Variants in GLG1 observed in about 807,000 individuals in gnomAD.
The protein encoded by GLG1 is golgi glycoprotein 1, also known as Golgi apparatus protein 1.
Under a neutral mutation model 160.5 loss-of-function variants are expected in GLG1, and 38 were observed. The observed-to-expected ratio is 0.24, with a 90% CI of 0.18 to 0.31. The LOEUF (loss-of-function observed/expected upper bound fraction) is 0.31, where lower values mean the gene tolerates loss of function less well. Among genes scored for constraint, GLG1 ranks in the 10% least tolerant of loss-of-function variants. The probability of loss-of-function intolerance (pLI) is 1.00; values close to 1 mark genes in which losing one functional copy is unlikely to be tolerated. For missense variants in GLG1, 1,373 were observed against 1,505.2 expected (o/e 0.91, Z 1.45); for synonymous variants, 644 against 543.4 (o/e 1.19, Z -2.57).
At chr16:74,548,435 T>G (rs1349414608) in intron 1 of GLG1, among the ~76,000 whole-genome samples, 1 of 152,150 alleles carries the variant, frequency 6.6e-6, no homozygotes, top group Non-Finnish European at 1.5e-5. Flanking sequence ...TCCAGACACT[T>G]ATATTTAAGA....
chr16:74,506,609 A>AAAAAACT (rs2016620334), intron 3 of GLG1, among the ~76,000 whole-genome samples: 1 of 150,766 alleles, frequency 6.6e-6, no homozygotes, highest in Non-Finnish European at 1.5e-5. Context: ...AAAAAACTCA[A>AAAAAACT]GAGAAACCAG....
chr16:74,516,558 G>A (rs532957025), intron 2 of GLG1, among the ~76,000 whole-genome samples: 2 of 152,322 alleles, frequency 1.3e-5, no homozygotes, highest in Admixed American at 1.3e-4. Flanking sequence ...TCAAAGCAGT[G>A]TGTAGAGGGA....
intron 4 of GLG1, among the ~76,000 whole-genome samples, chr16:74,502,929 G>A (rs13339161): frequency 0.67 from 101,114 of 150,804 alleles, 34,100 homozygotes; most frequent in East Asian, 0.81. Context: ...GAACTTGGCC[G>A]GGACCGGTGG....
In GLG1 at chr16:74,449,337, C is replaced by T. The variant is rs1469858524; in HGVS notation, c.*3830G>A. The T allele has an allele frequency of 6.6e-6, 1 of 152,102 alleles. No individual in the cohort carries two copies. The highest frequency in any genetic ancestry group is 1.9e-4 in the East Asian group (1 of 5,178). The allele number at this position is 152,102 out of a possible 1,614,324, so 9.4% of individuals were successfully genotyped here. A position where few individuals can be genotyped will look rare whatever the true frequency, so the allele number is the denominator to read the frequency against. ...TCGGGGCAGAAGTCACACCACAGGC[C>T]TGGAGGATGGGAGGATAGGAGACAC... On this transcript the variant is annotated 3_prime_UTR_variant, in exon 26 of 26. Coordinates refer to ENST00000422840, the MANE Select transcript of GLG1 (RefSeq NM_001145667.2).
Position 74,452,634 on chromosome 16 carries a change from C to A in GLG1, c.*533G>T. On this transcript the variant is annotated 3_prime_UTR_variant, in exon 26 of 26. Coordinates refer to ENST00000422840, the MANE Select transcript of GLG1 (RefSeq NM_001145667.2). ...GTGAAGACCACGGCCCTGGCGAGGC[C>A]CCAAGGTGCTTCTGAGAGATGAACG... 3 of 998,036 alleles carry A rather than the reference C, an allele frequency of 3.0e-6. No individual in the cohort carries two copies. The highest frequency in any genetic ancestry group is 3.6e-6 in the Non-Finnish European group (3 of 836,904). The allele number at this position is 998,036 out of a possible 1,614,324, so 61.8% of individuals were successfully genotyped here. A position where few individuals can be genotyped will look rare whatever the true frequency, so the allele number is the denominator to read the frequency against.
chr16:74,559,891 T>C (rs2018459125), intron 1 of GLG1, among the ~76,000 whole-genome samples: 1 of 152,188 alleles, frequency 6.6e-6, no homozygotes, highest in Non-Finnish European at 1.5e-5. Flanking sequence ...ACTGGAGAAT[T>C]TTAGACTTAA....
intron 13 of GLG1, 31 bp from the exon 14 acceptor site, chr16:74,472,442 G>A (rs150615559): frequency 6.6e-7 from 1 of 1,523,076 alleles, no homozygotes; most frequent in Non-Finnish European, 9.1e-7. Context: ...TAATACTTCT[G>A]CTTTAGAAAG....
Position 74,503,610 on chromosome 16 carries a change from C to T in GLG1, c.695G>A (p.Arg232His), listed in dbSNP as rs1291807404. 3.7e-6 allele frequency: 6 copies of T among 1,613,518 alleles called. No individual in the cohort carries two copies. The highest frequency in any genetic ancestry group is 2.2e-5 in the East Asian group (1 of 44,864). Reference sequence around the variant, plus strand: ...GTCATCCATGAAGCCACAGATTAAACGGTAATCACTAAAAATGATGGCCGT... The same window carrying T: ...GTCATCCATGAAGCCACAGATTAAATGGTAATCACTAAAAATGATGGCCGT... Reference protein sequence around the residue: ...KMTAIIFSDYRLICGFMDDCK... With the variant: ...KMTAIIFSDYHLICGFMDDCK... Residue 232 changes from arginine to histidine, a missense_variant, in exon 4 of 26, where the codon CGT becomes CAT. Transcript: ENST00000422840.
chr16:74,453,118 G>A lies in GLG1; in HGVS notation c.*49C>T. 1 of 1,597,566 alleles carries A rather than the reference G, an allele frequency of 6.3e-7. No homozygotes were observed. The highest frequency in any genetic ancestry group is 8.5e-7 in the Non-Finnish European group (1 of 1,171,730). On this transcript the variant is annotated 3_prime_UTR_variant, in exon 26 of 26. Transcript: ENST00000422840. The stretch of plus-strand genomic sequence containing the variant: ...AGTGGGGATGCTATACAAGAGGGCT[G>A]TACAAACTGGGCACTGGATAGGTAG...
intron 8 of GLG1, among the ~76,000 whole-genome samples, 190 bp from the exon 9 acceptor site, chr16:74,486,107 T>C (rs544683940): frequency 5.3e-5 from 8 of 152,336 alleles, no homozygotes; most frequent in African/African-American, 1.9e-4. Flanking sequence ...CTACCTTGAC[T>C]GCAGGTTTTT....
chr16:74,508,313 CA>C (rs35839355), intron 3 of GLG1, among the ~76,000 whole-genome samples: 5,628 of 106,102 alleles, frequency 0.053, 291 homozygotes, highest in African/African-American at 0.19. Flanking sequence ...ATTATTGATT[CA>C]AAAAAAAAAA....
chr16:74,588,666 G>A (rs928283715), intron 1 of GLG1, among the ~76,000 whole-genome samples: 2 of 151,930 alleles, frequency 1.3e-5, no homozygotes, highest in African/African-American at 2.4e-5. Context: ...AAATCCACCC[G>A]CCTTAGCCTC....
At chr16:74,469,247 G>A in intron 16 of GLG1, 184 bp from the exon 17 acceptor site, 2 of 597,218 alleles carry the variant, frequency 3.3e-6, no homozygotes, top group Non-Finnish European at 6.0e-6. Flanking sequence ...TGGGTGTCAT[G>A]AAAGGCAGGC....
intron 14 of GLG1, 72 bp downstream of exon 14, chr16:74,472,277 T>C (rs2015235902): frequency 2.1e-6 from 2 of 974,546 alleles, no homozygotes; most frequent in Admixed American, 3.6e-5. Flanking sequence ...GAGGTGAGTC[T>C]GAGATACTCA....
At chr16:74,542,740 A>AGGAAG (rs2017918524) in intron 1 of GLG1, among the ~76,000 whole-genome samples, 4 of 8,364 alleles carry the variant, frequency 4.8e-4, no homozygotes, top group Non-Finnish European at 1.5e-3. Context: ...GAAGGGAGGA[A>AGGAAG]GGAAGGAAGG....
intron 1 of GLG1, among the ~76,000 whole-genome samples, chr16:74,604,489 C>T (rs1011418860): frequency 1.3e-5 from 2 of 152,248 alleles, no homozygotes. Context: ...TACTCATATG[C>T]TCTGCCTTTT....
intron 12 of GLG1, among the ~76,000 whole-genome samples, chr16:74,475,096 G>C (rs1339498291): frequency 6.8e-6 from 1 of 146,014 alleles, no homozygotes; most frequent in Non-Finnish European, 1.5e-5. Context: ...GGCGGGGGCT[G>C]CAGTAAGCCA....
chr16:74,581,805 G>C (rs1015299745), intron 1 of GLG1, among the ~76,000 whole-genome samples: 8 of 152,180 alleles, frequency 5.3e-5, no homozygotes, highest in Non-Finnish European at 1.0e-4. Flanking sequence ...CCAGCTACTC[G>C]GGAGGCTGAG....
In GLG1 at chr16:74,482,969, T is replaced by A. The variant is rs867769690; in HGVS notation, c.1673+54A>T. ...TTTAATAAATACAGGTAATTATGAC[T>A]ACACAGGAGAAGAGGCTGAGGCAAT... On this transcript the variant is annotated intron_variant, in intron 10 of 25. Transcript: ENST00000422840. 7 of 918,996 alleles carry A rather than the reference T, an allele frequency of 7.6e-6. No homozygotes were observed. The Middle Eastern group carries it at 8.5e-4, about 111-fold the overall frequency. 56.9% of individuals were successfully genotyped at this position (918,996 alleles called of 1,614,324 possible).
Sources: allele counts gnomAD v4.1 joint callset (sites outside exome capture counted in the v4.1 genomes callset), GRCh38; gene constraint gnomAD v4.1.1; transcripts MANE v1.5; gene names NCBI Gene and HGNC (gene_info 2026-07-23, HGNC 2026-07-21).